Variants in RBFOX3 observed in about 807,000 individuals in gnomAD.
The protein encoded by RBFOX3 is RNA binding fox-1 homolog 3.
Under a neutral mutation model 48.7 loss-of-function variants are expected in RBFOX3, and 17 were observed. That is an observed-to-expected ratio of 0.35 (90% CI 0.24 to 0.52). RBFOX3 has a LOEUF of 0.52. Ranked by LOEUF, RBFOX3 falls within the 20% of genes least tolerant of loss-of-function variation. RBFOX3 has a pLI of 0.94. For missense variants in RBFOX3, 382 were observed against 497.5 expected, an observed-to-expected ratio of 0.77 and a Z score of 2.21; for synonymous variants, 212 against 209.5, an observed-to-expected ratio of 1.01 and a Z score of -0.10.
chr17:79,176,784 T>C lies in RBFOX3; in HGVS notation c.-34+58982A>G, dbSNP rs187907076. 1.9e-3 allele frequency among the ~76,000 whole-genome samples: 291 copies of C among 150,552 alleles called. 4 individuals carry two copies. The highest frequency in any genetic ancestry group is 0.015 in the Admixed American group (225 of 15,192). ...AAAAAAATGACCGTGGCAGAGAGAA[T>C]AGAAATTAGGCAGGGAGGGAAGAAA... On this transcript the variant is annotated intron_variant, in intron 4 of 14. Transcript: ENST00000693108.
Position 79,479,457 on chromosome 17 carries a change from C to T in RBFOX3, c.-175+2997G>A, listed in dbSNP as rs1208187155. 1.3e-5 allele frequency among the ~76,000 whole-genome samples: 2 copies of T among 152,144 alleles called. No individual in the cohort carries two copies. The highest frequency in any genetic ancestry group is 2.4e-5 in the African/African-American group (1 of 41,436). ...ATTGCTCCTTGCTCTGAGGGGCTTC[C>T]TCTCAGAGGGGCTTCCTTCTCTCCC... is the stretch of plus-strand genomic sequence containing the variant. On this transcript the variant is annotated intron_variant, in intron 2 of 14. Coordinates refer to ENST00000693108, the MANE Select transcript of RBFOX3 (RefSeq NM_001350451.2). This position sits in a 1 kb window ranked among gnomAD's most constrained non-coding sequence, Gnocchi z 5.1.
chr17:79,094,782 G>GCCT (rs147322314), intron 13 of RBFOX3, among the ~76,000 whole-genome samples: 1,886 of 146,706 alleles, frequency 0.013, 40 homozygotes, highest in African/African-American at 0.044. Context: ...GGGGTGGGGG[G>GCCT]AGGGGGTGTG....
At chr17:79,358,686 C>A (rs1303333092) in intron 2 of RBFOX3, among the ~76,000 whole-genome samples, 6 of 152,148 alleles carry the variant, frequency 3.9e-5, no homozygotes, top group Non-Finnish European at 2.9e-5. Flanking sequence ...GTCTCGAACT[C>A]CTGACCTCAG....
intron 2 of RBFOX3, among the ~76,000 whole-genome samples, chr17:79,384,013 G>T (rs1269068630): frequency 1.3e-5 from 2 of 152,224 alleles, no homozygotes; most frequent in Non-Finnish European, 2.9e-5. Context: ...TAGAAGCCAG[G>T]CTTTCAAAGG....
chr17:79,432,442 C>T (rs1477651353), intron 2 of RBFOX3, among the ~76,000 whole-genome samples: 1 of 152,250 alleles, frequency 6.6e-6, no homozygotes, highest in Non-Finnish European at 1.5e-5. Context: ...ATACCCACAT[C>T]AGTCACCTGG....
intron 2 of RBFOX3, among the ~76,000 whole-genome samples, chr17:79,328,552 C>T (rs749405178): frequency 3.4e-4 from 51 of 152,158 alleles, no homozygotes; most frequent in Non-Finnish European, 6.6e-4. Context: ...CCGTGGCCAC[C>T]GTTGCAAACA....
chr17:79,182,806 G>A (rs1388406187), intron 4 of RBFOX3, among the ~76,000 whole-genome samples: 2 of 149,948 alleles, frequency 1.3e-5, no homozygotes, highest in Admixed American at 6.6e-5. Context: ...GGTCTGCGCT[G>A]CAGCAGAGCT....
At position 79,175,943 on chromosome 17, in the gene RBFOX3, G is replaced by A. The variant is rs930327245; in HGVS notation, c.-34+59823C>T. Among the ~76,000 whole-genome samples, 7 of 152,306 alleles carry A rather than the reference G, an allele frequency of 4.6e-5. No individual in the cohort carries two copies. In the South Asian group the frequency reaches 6.2e-4, roughly 14 times the overall value. ...ACTCTCTCTGACCACCTGGGGGCTC[G>A]CATACACCCTCACAGCCAGTGCCGG... On this transcript the variant is annotated intron_variant, in intron 4 of 14. Coordinates refer to ENST00000693108, the MANE Select transcript of RBFOX3 (RefSeq NM_001350451.2).
Position 79,276,094 on chromosome 17 carries a change from G to A in RBFOX3, c.-74+31630C>T, listed in dbSNP as rs184030585. On this transcript the variant is annotated intron_variant, in intron 3 of 14. Coordinates refer to ENST00000693108, the MANE Select transcript of RBFOX3 (RefSeq NM_001350451.2). ...TGCACCGTGGATGAACCCTGAAGAC[G>A]GTACGCTCAGAGGCAGAAGCCACAC... 2.8e-3 allele frequency among the ~76,000 whole-genome samples: 430 copies of A among 152,052 alleles called. 4 individuals carry two copies. Among genetic ancestry groups the A allele is most frequent in the African/African-American group, 9.8e-3 (409 of 41,554 alleles).
At chr17:79,261,723 T>A (rs1380251279) in intron 3 of RBFOX3, among the ~76,000 whole-genome samples, 2 of 152,128 alleles carry the variant, frequency 1.3e-5, no homozygotes, top group African/African-American at 4.8e-5. Flanking sequence ...CCCTATCCCA[T>A]CCCGCACTGG....
rs2078739048 is a variant in RBFOX3 at position 79,481,264 on chromosome 17, C to G, written c.-175+1190G>C. Among the ~76,000 whole-genome samples, 1 of 152,176 alleles carries G rather than the reference C, an allele frequency of 6.6e-6. No homozygotes were observed. The highest frequency in any genetic ancestry group is 2.4e-5 in the African/African-American group (1 of 41,438). On this transcript the variant is annotated intron_variant, in intron 2 of 14. Coordinates refer to ENST00000693108, the MANE Select transcript of RBFOX3 (RefSeq NM_001350451.2). This position sits in a 1 kb window ranked among gnomAD's most constrained non-coding sequence, Gnocchi z 5.4. Reference sequence around the variant, plus strand: ...ACAGTGGGTCATCATGCAAAGCCTGCCTGCAGGCTTCAGGGCTCCAGTCCT... The same window carrying G: ...ACAGTGGGTCATCATGCAAAGCCTGGCTGCAGGCTTCAGGGCTCCAGTCCT...
At chr17:79,413,795 G>A (rs2064870248) in intron 2 of RBFOX3, among the ~76,000 whole-genome samples, 1 of 152,216 alleles carries the variant, frequency 6.6e-6, no homozygotes, top group Non-Finnish European at 1.5e-5. Context: ...CTGCGGCCTG[G>A]CCAGCAGCCA....
At chr17:79,632,495 T>G in the RBFOX3 span, among the ~76,000 whole-genome samples, 6 of 152,260 alleles carry the variant, frequency 3.9e-5, no homozygotes, top group East Asian at 9.7e-4. Flanking sequence ...CTCTGACCAC[T>G]GCCTGCCTCC....
chr17:79,315,363 GAGA>G (rs1356864183), intron 2 of RBFOX3, among the ~76,000 whole-genome samples: 8 of 152,180 alleles, frequency 5.3e-5, no homozygotes, highest in African/African-American at 1.9e-4. Flanking sequence ...TCTCCATACC[GAGA>G]AGGAGGCCAG....
intron 2 of RBFOX3, among the ~76,000 whole-genome samples, chr17:79,382,662 C>T (rs1339589199): frequency 6.6e-6 from 1 of 152,230 alleles, no homozygotes; most frequent in Admixed American, 6.5e-5. Context: ...CACTCACGCG[C>T]ATTTCCAAGG....
the RBFOX3 span, among the ~76,000 whole-genome samples, chr17:79,650,011 C>A: frequency 6.6e-6 from 1 of 152,176 alleles, no homozygotes; most frequent in African/African-American, 2.4e-5. Context: ...CCCCCTGATC[C>A]AATCACGTCC....
intron 3 of RBFOX3, among the ~76,000 whole-genome samples, chr17:79,304,565 G>C (rs1474516481): frequency 1.3e-5 from 2 of 151,212 alleles, no homozygotes; most frequent in Non-Finnish European, 2.9e-5. Context: ...GTGAGCTGTG[G>C]TTATTTCTGG....
chr17:79,389,086 G>A (rs560104085), intron 2 of RBFOX3, among the ~76,000 whole-genome samples: 24 of 149,024 alleles, frequency 1.6e-4, no homozygotes, highest in African/African-American at 5.4e-4. Context: ...ACGGAGGGAC[G>A]AAGCGGTGGG....
At chr17:79,589,384 C>T (rs1203682703) in intron 1 of RBFOX3, among the ~76,000 whole-genome samples, 1 of 152,138 alleles carries the variant, frequency 6.6e-6, no homozygotes, top group Non-Finnish European at 1.5e-5. Flanking sequence ...CCCTGTCTCT[C>T]CACATCACCG....
Sources: gnomAD v4.1 joint callset for allele counts (sites outside exome capture counted in the v4.1 genomes callset) on GRCh38, gnomAD v4.1.1 for gene constraint, Gnocchi (gnomAD v3.1) non-coding constraint, MANE v1.5 for transcripts, NCBI Gene and HGNC (gene_info 2026-07-23, HGNC 2026-07-21) for gene names.